Variants in ZBTB38 observed in about 807,000 individuals in gnomAD.
ZBTB38 encodes the protein zinc finger and BTB domain-containing protein 38.
ZBTB38 carries 20 observed loss-of-function variants against 76.8 expected under a neutral mutation model. That is an observed-to-expected ratio of 0.26 (90% CI 0.18 to 0.38). The LOEUF (loss-of-function observed/expected upper bound fraction) is 0.38. Ranked by LOEUF, ZBTB38 falls within the 10% of genes least tolerant of loss-of-function variation. ZBTB38 has a pLI of 1.00. For missense variants in ZBTB38, 1,082 were observed against 1,482.3 expected, an observed-to-expected ratio of 0.73 and a Z score of 4.43; for synonymous variants, 504 against 544.2, an observed-to-expected ratio of 0.93 and a Z score of 1.03.
intron 5 of ZBTB38, among the ~76,000 whole-genome samples, chr3:141,416,522 G>A (rs1335744477): frequency 1.3e-5 from 2 of 152,116 alleles, no homozygotes; most frequent in South Asian, 2.1e-4. Flanking sequence ...GAAGCTTAGC[G>A]TGGAGTTCTG....
intron 5 of ZBTB38, among the ~76,000 whole-genome samples, chr3:141,415,968 A>G (rs1489336923): frequency 1.3e-5 from 2 of 152,178 alleles, no homozygotes; most frequent in African/African-American, 4.8e-5. Flanking sequence ...TAGGATTTTA[A>G]TGGTGGAACG....
At chr3:141,408,362 C>T (rs757662725) in intron 5 of ZBTB38, among the ~76,000 whole-genome samples, 6 of 152,276 alleles carry the variant, frequency 3.9e-5, no homozygotes, top group East Asian at 3.9e-4. Context: ...GCCTGGCCAA[C>T]GTGGCAAAAC....
intron 5 of ZBTB38, among the ~76,000 whole-genome samples, chr3:141,426,687 A>C (rs1353851725): frequency 6.6e-6 from 1 of 152,120 alleles, no homozygotes. Flanking sequence ...CACCTTTACA[A>C]CTTTTTTAGT....
intron 5 of ZBTB38, among the ~76,000 whole-genome samples, chr3:141,436,293 T>C (rs1298314560): frequency 6.6e-6 from 1 of 152,150 alleles, no homozygotes; most frequent in Non-Finnish European, 1.5e-5. Flanking sequence ...CAATGTTATT[T>C]TACTTACTGT....
In ZBTB38 at chr3:141,373,870, C is replaced by T. The variant is rs142739656; in HGVS notation, c.-235+3924C>T. 2.1e-3 allele frequency among the ~76,000 whole-genome samples: 322 copies of T among 152,264 alleles called. 1 individual carries two copies. Among genetic ancestry groups the T allele is most frequent in the African/African-American group, 7.4e-3 (309 of 41,548 alleles). ...AAAGGCCGGGAGTGGTGGCTCACAC[C>T]GGAAATCCCAGCACTTTGGGAGGCT... On this transcript the variant is annotated intron_variant, in intron 2 of 5. Transcript: ENST00000321464.
chr3:141,360,874 C>T (rs891323475), intron 1 of ZBTB38, among the ~76,000 whole-genome samples: 1 of 152,176 alleles, frequency 6.6e-6, no homozygotes, highest in Non-Finnish European at 1.5e-5. Context: ...AAACGCACCC[C>T]TGGTTGAGAA....
intron 5 of ZBTB38, among the ~76,000 whole-genome samples, chr3:141,421,017 GAAA>G (rs551301024): frequency 1.1e-4 from 14 of 131,496 alleles, no homozygotes; most frequent in East Asian, 2.1e-4. Flanking sequence ...AGAAGTTCAG[GAAA>G]AAAAAAAAAA....
In ZBTB38 at chr3:141,356,981, A is replaced by G. The variant is rs564068664; in HGVS notation, c.-738-11640A>G. Reference sequence around the variant, plus strand: ...CAGAAAATAATTAGATCACTACCAAATTGCTGTCTTCAAAATTATGTATAA... The same window carrying G: ...CAGAAAATAATTAGATCACTACCAAGTTGCTGTCTTCAAAATTATGTATAA... On this transcript the variant is annotated intron_variant, in intron 1 of 7. Coordinates refer to the ZBTB38 transcript ENST00000509842. Among the ~76,000 whole-genome samples the G allele has an allele frequency of 7.2e-5, 11 of 152,330 alleles. No individual in the cohort carries two copies. In the East Asian group the frequency reaches 2.1e-3, roughly 29 times the overall value.
intron 3 of ZBTB38, among the ~76,000 whole-genome samples, chr3:141,385,169 A>C (rs1176607168): frequency 6.6e-6 from 1 of 152,236 alleles, no homozygotes; most frequent in Non-Finnish European, 1.5e-5. Context: ...AACCCCAGAA[A>C]ATATTAATTC....
At chr3:141,372,337 G>A (rs1944739739) in intron 2 of ZBTB38, among the ~76,000 whole-genome samples, 1 of 152,138 alleles carries the variant, frequency 6.6e-6, no homozygotes, top group South Asian at 2.1e-4. Flanking sequence ...GGCTGGGCTA[G>A]TGGTATAAGC....
intron 1 of ZBTB38, among the ~76,000 whole-genome samples, chr3:141,336,797 G>A (rs1943027128): frequency 1.3e-5 from 2 of 152,198 alleles, no homozygotes; most frequent in Admixed American, 1.3e-4. Context: ...CCCGTCCCTG[G>A]GGAACTAAAT....
intron 1 of ZBTB38, among the ~76,000 whole-genome samples, chr3:141,355,694 C>G (rs1943638797): frequency 6.6e-6 from 1 of 152,058 alleles, no homozygotes; most frequent in Non-Finnish European, 1.5e-5. Context: ...GCCCAAACAC[C>G]CACCTCCCAC....
At chr3:141,390,705 GCTCT>G (rs979267932) in intron 4 of ZBTB38, among the ~76,000 whole-genome samples, 1 of 152,184 alleles carries the variant, frequency 6.6e-6, no homozygotes, top group African/African-American at 2.4e-5. Flanking sequence ...GTTCTTAACA[GCTCT>G]CTTGGTAAAT....
At chr3:141,370,819 G>C (rs1414680785) in intron 2 of ZBTB38, among the ~76,000 whole-genome samples, 3 of 152,052 alleles carry the variant, frequency 2.0e-5, no homozygotes. Flanking sequence ...AGTCATATTA[G>C]TTGGAATTGT....
chr3:141,331,069 A>T (rs964571421), intron 1 of ZBTB38, among the ~76,000 whole-genome samples: 4 of 152,246 alleles, frequency 2.6e-5, no homozygotes, highest in African/African-American at 9.6e-5. Context: ...ATATATGTAG[A>T]GTTCCTCTGT....
intron 1 of ZBTB38, among the ~76,000 whole-genome samples, chr3:141,348,159 A>G (rs1376297113): frequency 6.6e-6 from 1 of 152,240 alleles, no homozygotes; most frequent in Non-Finnish European, 1.5e-5. Flanking sequence ...AATATCATAA[A>G]TGCTTGTGAA....
intron 5 of ZBTB38, among the ~76,000 whole-genome samples, chr3:141,414,762 G>C (rs946262387): frequency 2.6e-5 from 4 of 152,152 alleles, no homozygotes; most frequent in African/African-American, 9.7e-5. Flanking sequence ...CAGCAGATAC[G>C]TCCTGGTGTA....
rs762502937 is a variant in ZBTB38, at chr3:141,444,143, C to T, written c.1755C>T (p.Ser585=). 3 of 1,613,922 alleles carry T rather than the reference C, an allele frequency of 1.9e-6. No individual in the cohort carries two copies. Among genetic ancestry groups the T allele is most frequent in the South Asian group, 1.1e-5 (1 of 91,080 alleles). ...RAPYKSYRNS[S]YENARENSQM... ...CTTATAAGAGCTACCGAAATTCTTC[C>T]TATGAAAATGCACGAGAAAACAGTC... Residue 585 remains serine, a synonymous_variant, in exon 6 of 6, where the codon TCC becomes TCT. Coordinates refer to ENST00000321464, the MANE Select transcript of ZBTB38 (RefSeq NM_001376113.1). The surrounding 1 kb of genome is among the most constrained non-coding windows in gnomAD (Gnocchi z 5.1).
Position 141,448,325 on chromosome 3 carries a change from T to C in ZBTB38, c.*2349T>C, listed in dbSNP as rs2081246503. ...TAATTGTATTCATTTAAAATGTTGA[T>C]AGCTTGTGTTAGTTTCAGGGAGGGG... On this transcript the variant is annotated 3_prime_UTR_variant, in exon 6 of 6. Coordinates refer to ENST00000321464, the MANE Select transcript of ZBTB38 (RefSeq NM_001376113.1). The C allele has an allele frequency of 6.6e-6, 1 of 152,650 alleles. No individual in the cohort carries two copies. Among genetic ancestry groups the C allele is most frequent in the Non-Finnish European group, 1.5e-5 (1 of 68,014 alleles). 9.5% of individuals were successfully genotyped at this position (152,650 alleles called of 1,614,324 possible).
Sources: allele counts gnomAD v4.1 joint callset (sites outside exome capture counted in the v4.1 genomes callset), GRCh38; gene constraint gnomAD v4.1.1; non-coding constraint Gnocchi (gnomAD v3.1); transcripts MANE v1.5; gene names NCBI Gene and HGNC (gene_info 2026-07-23, HGNC 2026-07-21).